STON1: variants seen among roughly 807,000 people sequenced by gnomAD.
STON1 encodes stonin-1.
A neutral mutation model predicts 60.9 loss-of-function variants in STON1; 79 were observed. The observed-to-expected ratio is 1.30, with a 90% CI of 1.08 to 1.56. The LOEUF (loss-of-function observed/expected upper bound fraction) is 1.56, where lower values mean the gene tolerates loss of function less well. STON1 is among the 40% of genes most tolerant of loss of function. The pLI is 0.00. For missense variants in STON1, 1,166 were observed against 858.9 expected, an observed-to-expected ratio of 1.36 and a Z score of -4.47; for synonymous variants, 363 against 306.9, an observed-to-expected ratio of 1.18 and a Z score of -1.91.
chr2:48,534,221 C>A (rs746061708), intron 1 of STON1, among the ~76,000 whole-genome samples: 3 of 152,106 alleles, frequency 2.0e-5, no homozygotes, highest in African/African-American at 4.8e-5. Context: ...TATTTCTCAA[C>A]TTTTATAGTA....
At chr2:48,575,740 C>G (rs1444812464) in intron 1 of STON1, among the ~76,000 whole-genome samples, 2 of 139,744 alleles carry the variant, frequency 1.4e-5, no homozygotes, top group African/African-American at 5.2e-5. Flanking sequence ...TATGGTAGTT[C>G]TATTTTTAGT....
chr2:48,568,589 G>T (rs1673048658), intron 1 of STON1, among the ~76,000 whole-genome samples: 4 of 152,000 alleles, frequency 2.6e-5, no homozygotes, highest in Admixed American at 2.0e-4. Flanking sequence ...TAAAAGAGAG[G>T]CAGGGCACCT....
intron 1 of STON1, among the ~76,000 whole-genome samples, chr2:48,550,468 G>A (rs1449068180): frequency 2.0e-5 from 3 of 149,630 alleles, no homozygotes; most frequent in Admixed American, 6.7e-5. Context: ...TTGCACTCCA[G>A]CCTGGGCAAC....
At chr2:48,557,663 G>C (rs1429740727) in intron 1 of STON1, among the ~76,000 whole-genome samples, 1 of 70,256 alleles carries the variant, frequency 1.4e-5, no homozygotes, top group Admixed American at 1.4e-4. Context: ...CTGAGTGAAC[G>C]AGACTCCGTC....
At chr2:48,592,627 A>ATTATTATTC in intron 3 of STON1, among the ~76,000 whole-genome samples, 1 of 147,782 alleles carries the variant, frequency 6.8e-6, no homozygotes, top group African/African-American at 2.5e-5. Flanking sequence ...TATTATTATT[A>ATTATTATTC]TTATTCTATT....
chr2:48,533,133 C>T (rs894142792), intron 1 of STON1, among the ~76,000 whole-genome samples: 1 of 152,108 alleles, frequency 6.6e-6, no homozygotes, highest in Non-Finnish European at 1.5e-5. Context: ...CTTGTAATCC[C>T]AGCACTTGGG....
chr2:48,571,520 A>C (rs978322857), intron 1 of STON1, among the ~76,000 whole-genome samples: 1 of 152,178 alleles, frequency 6.6e-6, no homozygotes, highest in Admixed American at 6.5e-5. Context: ...ACAAAACAAA[A>C]CTGAAATTAC....
chr2:48,574,683 A>G (rs1255296955), intron 1 of STON1, among the ~76,000 whole-genome samples: 2 of 152,202 alleles, frequency 1.3e-5, no homozygotes, highest in East Asian at 1.9e-4. Context: ...AAATGCTTCT[A>G]AAGTGTAAAC....
intron 1 of STON1, among the ~76,000 whole-genome samples, chr2:48,566,579 G>A (rs374117504): frequency 6.6e-6 from 1 of 152,138 alleles, no homozygotes; most frequent in South Asian, 2.1e-4. Flanking sequence ...CACCGCACCC[G>A]ACCTGTGACT....
At chr2:48,564,462 TTCTTCTTCTTCTTCTTCTTTC>T (rs1672767209) in intron 1 of STON1, among the ~76,000 whole-genome samples, 1 of 53,502 alleles carries the variant, frequency 1.9e-5, no homozygotes, top group African/African-American at 7.0e-5. Context: ...CTTCTTCTTC[TTCTTCTTCTTCTTCTTCTTTC>T]TTCTTCTTCT....
chr2:48,559,697 A>G (rs1672530473), intron 1 of STON1, among the ~76,000 whole-genome samples: 1 of 152,198 alleles, frequency 6.6e-6, no homozygotes, highest in African/African-American at 2.4e-5. Context: ...GGATTGAAAC[A>G]CAAATCTCTC....
At position 48,595,837 on chromosome 2, in the gene STON1, A is replaced by T. The variant is rs938704126; in HGVS notation, c.*535A>T. On this transcript the variant is annotated 3_prime_UTR_variant, in exon 4 of 4. Transcript: ENST00000404752. ...CTGGAAGTATCTGTGCTTTTGAATT[A>T]CTTATTTACCTGTCCTCTTACCGTT... The T allele has an allele frequency of 6.5e-6, 1 of 153,014 alleles. No individual in the cohort carries two copies. Among genetic ancestry groups the T allele is most frequent in the Non-Finnish European group, 1.5e-5 (1 of 68,688 alleles). 9.5% of individuals were successfully genotyped at this position (153,014 alleles called of 1,614,324 possible). A position where few individuals can be genotyped will look rare whatever the true frequency, so the allele number is the denominator to read the frequency against.
chr2:48,552,350 T>A (rs1672139984), intron 1 of STON1, among the ~76,000 whole-genome samples: 1 of 152,072 alleles, frequency 6.6e-6, no homozygotes, highest in Admixed American at 6.6e-5. Flanking sequence ...GGAGAGAAGA[T>A]GAATGAGGAC....
At chr2:48,578,587 T>TCC in intron 1 of STON1, among the ~76,000 whole-genome samples, 2 of 128,358 alleles carry the variant, frequency 1.6e-5, no homozygotes, top group Non-Finnish European at 3.3e-5. Flanking sequence ...CTTCCTTTTT[T>TCC]TTTTTTTTTT....
At chr2:48,559,283 G>C (rs781661946) in intron 1 of STON1, among the ~76,000 whole-genome samples, 9 of 152,132 alleles carry the variant, frequency 5.9e-5, no homozygotes, top group African/African-American at 1.7e-4. Context: ...AGATTGAGTA[G>C]CTTATAAGAA....
chr2:48,588,637 A>G (rs1194145940), intron 2 of STON1, among the ~76,000 whole-genome samples: 1 of 152,148 alleles, frequency 6.6e-6, no homozygotes, highest in Admixed American at 6.5e-5. Flanking sequence ...GGTATAAGCT[A>G]CCTACCGCAC....
chr2:48,561,994 G>A (rs541766528), intron 1 of STON1, among the ~76,000 whole-genome samples: 1 of 152,278 alleles, frequency 6.6e-6, no homozygotes, highest in African/African-American at 2.4e-5. Context: ...CCGAGTAGCT[G>A]GGATTACAGG....
At chr2:48,548,507 T>C (rs1014564729) in intron 1 of STON1, among the ~76,000 whole-genome samples, 1 of 151,866 alleles carries the variant, frequency 6.6e-6, no homozygotes, top group East Asian at 1.9e-4. Flanking sequence ...TTTTTTTTTC[T>C]TTTTTTTCTT....
intron 1 of STON1, among the ~76,000 whole-genome samples, chr2:48,548,790 A>G (rs1430940821): frequency 2.0e-5 from 3 of 152,106 alleles, no homozygotes; most frequent in Non-Finnish European, 2.9e-5. Context: ...GTGAGCCACC[A>G]TGCCCGGCCT....
Sources: gnomAD v4.1 joint callset for allele counts (sites outside exome capture counted in the v4.1 genomes callset) on GRCh38, gnomAD v4.1.1 for gene constraint, MANE v1.5 for transcripts, NCBI Gene and HGNC (gene_info 2026-07-23, HGNC 2026-07-21) for gene names.